The following DOCK4 variants were observed in gnomAD, a reference collection of about 807,000 sequenced individuals.
The protein encoded by DOCK4 is dedicator of cytokinesis 4.
In DOCK4, 97 loss-of-function variants were observed where a neutral mutation model predicts 268.1. The observed-to-expected ratio is 0.36, with a 90% CI of 0.31 to 0.43. DOCK4 has a LOEUF of 0.43. Among genes scored for constraint, DOCK4 ranks in the 20% least tolerant of loss-of-function variants. The pLI is 1.00. For missense variants in DOCK4, 2,145 were observed against 2,455.7 expected, an observed-to-expected ratio of 0.87 and a Z score of 2.67; for synonymous variants, 954 against 887.2, an observed-to-expected ratio of 1.08 and a Z score of -1.34.
intron 1 of DOCK4, among the ~76,000 whole-genome samples, chr7:112,189,187 T>C (rs1819708753): frequency 6.6e-6 from 1 of 152,202 alleles, no homozygotes. Context: ...GGAGTGAAAA[T>C]GCTGTTTCTC....
intron 13 of DOCK4, among the ~76,000 whole-genome samples, chr7:111,905,583 T>C (rs1189591567): frequency 6.6e-6 from 1 of 152,194 alleles, no homozygotes; most frequent in Non-Finnish European, 1.5e-5. Flanking sequence ...TTCTGTCTTA[T>C]GAATGTCTTG....
rs149576475 is a variant in DOCK4 at position 111,761,417 on chromosome 7, A to T, written c.4021-1095T>A. On this transcript the variant is annotated intron_variant, in intron 39 of 52. Transcript: ENST00000428084. ...TGTACTAGATTGAAATTCTGGTCTG[A>T]GTCCAAACCCTGGGCTCTTTCTACT... 1.1e-3 allele frequency among the ~76,000 whole-genome samples: 173 copies of T among 152,226 alleles called. 1 individual carries two copies. The highest frequency in any genetic ancestry group is 3.9e-3 in the African/African-American group (163 of 41,536).
chr7:111,763,684 A>G (rs1797591964), intron 39 of DOCK4, among the ~76,000 whole-genome samples: 1 of 151,944 alleles, frequency 6.6e-6, no homozygotes, highest in Non-Finnish European at 1.5e-5. Flanking sequence ...TCGTGTCTAG[A>G]CCCTGCTGCG....
chr7:111,868,849 A>G (rs1806194567), intron 21 of DOCK4, among the ~76,000 whole-genome samples: 1 of 152,230 alleles, frequency 6.6e-6, no homozygotes, highest in Non-Finnish European at 1.5e-5. Flanking sequence ...TTTGACAGGT[A>G]GTACTCTTGC....
intron 1 of DOCK4, among the ~76,000 whole-genome samples, chr7:112,093,686 G>A (rs1354978005): frequency 1.3e-5 from 2 of 152,044 alleles, no homozygotes; most frequent in East Asian, 1.9e-4. Flanking sequence ...ATATCACCTC[G>A]AAAACTACTG....
At chr7:111,887,186 C>A (rs1252857588) in intron 16 of DOCK4, among the ~76,000 whole-genome samples, 1 of 152,146 alleles carries the variant, frequency 6.6e-6, no homozygotes, top group Non-Finnish European at 1.5e-5. Flanking sequence ...ACAAGAGAAG[C>A]CTGTGACAAG....
chr7:111,782,948 G>T, intron 34 of DOCK4, 24 bp from the exon 35 acceptor site: 1 of 1,573,200 alleles, frequency 6.4e-7, no homozygotes, highest in Non-Finnish European at 8.6e-7. Flanking sequence ...GCAATAGTCA[G>T]AACTCAGAAC....
Position 111,788,654 on chromosome 7 carries a change from T to C in DOCK4, c.3401+8A>G, listed in dbSNP as rs867798067. On this transcript the variant is annotated splice_region_variant and intron_variant, in intron 32 of 52. Coordinates refer to ENST00000428084, the MANE Select transcript of DOCK4 (RefSeq NM_001363540.2). ...ATGGAATCAACTTGAGATAAACATA[T>C]TACTCACATACTGTTGAAGAGCTCG... The C allele has an allele frequency of 3.8e-6, 6 of 1,570,458 alleles. No homozygotes were observed. In the African/African-American group the frequency reaches 4.0e-5, roughly 11 times the overall value.
intron 1 of DOCK4, among the ~76,000 whole-genome samples, chr7:112,183,223 GC>G (rs1239026297): frequency 2.6e-5 from 4 of 152,182 alleles, no homozygotes; most frequent in Non-Finnish European, 5.9e-5. Context: ...GAGAGAAAGG[GC>G]AGAGAAAGGC....
chr7:111,801,557 A>G (rs1244152774), intron 30 of DOCK4: 2 of 152,254 alleles, frequency 1.3e-5, no homozygotes, highest in African/African-American at 4.8e-5. Context: ...AACATGGCTC[A>G]TAAATCCTTT....
chr7:111,989,287 T>C lies in DOCK4; in HGVS notation c.316-124A>G, dbSNP rs1423723486. On this transcript the variant is annotated intron_variant, in intron 5 of 52. Coordinates refer to ENST00000428084, the MANE Select transcript of DOCK4 (RefSeq NM_001363540.2). The stretch of plus-strand genomic sequence containing the variant: ...CTATGTGCTTGCCACTCTGGACAGA[T>C]GTCCGTGAACAGACAAACTGTTCGC... 7 of 1,294,022 alleles carry C rather than the reference T, an allele frequency of 5.4e-6. No individual in the cohort carries two copies. The African/African-American group carries it at 5.9e-5, about 11-fold the overall frequency. 80.2% of individuals were successfully genotyped at this position (1,294,022 alleles called of 1,614,324 possible). A position where few individuals can be genotyped will look rare whatever the true frequency, so the allele number is the denominator to read the frequency against.
At chr7:112,193,169 A>G (rs901932969) in intron 1 of DOCK4, among the ~76,000 whole-genome samples, 1 of 151,996 alleles carries the variant, frequency 6.6e-6, no homozygotes, top group Non-Finnish European at 1.5e-5. Flanking sequence ...GCATCTGAAG[A>G]CTCTACCTCT....
intron 1 of DOCK4, among the ~76,000 whole-genome samples, chr7:112,009,927 C>A (rs558438632): frequency 7.1e-4 from 108 of 152,322 alleles, no homozygotes; most frequent in African/African-American, 2.4e-3. Context: ...AGCCATCCTC[C>A]CACCTCAGCC....
In DOCK4 at chr7:111,728,697, G is replaced by T; in HGVS notation, c.5505C>A (p.Pro1835=). 1 of 1,613,066 alleles carries T rather than the reference G, an allele frequency of 6.2e-7. No homozygotes were observed. Among genetic ancestry groups the T allele is most frequent in the Non-Finnish European group, 8.5e-7 (1 of 1,179,516 alleles). The change falls in exon 53 of 53, where the codon CCC becomes CCA. Residue 1835 remains proline, a synonymous_variant. Coordinates refer to ENST00000428084, the MANE Select transcript of DOCK4 (RefSeq NM_001363540.2). ...CTGGCGAGTGGTACTCCACTGGAGA[G>T]GGGGTGAAAGACTGCACAGAGCCCT... ...PLKGSVQSFT[P]SPVEYHSPGL...
chr7:111,835,569 G>A (rs912498908), intron 25 of DOCK4, among the ~76,000 whole-genome samples: 10 of 152,130 alleles, frequency 6.6e-5, no homozygotes, highest in African/African-American at 2.2e-4. Context: ...AACCTTTTGT[G>A]CTCAGCAAAG....
intron 8 of DOCK4, among the ~76,000 whole-genome samples, chr7:111,969,185 A>G (rs1262949398): frequency 7.1e-6 from 1 of 141,314 alleles, no homozygotes; most frequent in Admixed American, 7.0e-5. Context: ...CAATGTGCAC[A>G]TGTACCCTAA....
At chr7:112,089,440 ATATCT>A (rs1809420354) in intron 1 of DOCK4, among the ~76,000 whole-genome samples, 1 of 152,180 alleles carries the variant, frequency 6.6e-6, no homozygotes, top group South Asian at 2.1e-4. Context: ...ATTTTTATAA[ATATCT>A]TAGTTACAGT....
chr7:112,100,676 C>T (rs1388373915), intron 1 of DOCK4, among the ~76,000 whole-genome samples: 1 of 152,238 alleles, frequency 6.6e-6, no homozygotes, highest in Non-Finnish European at 1.5e-5. Context: ...ACACTTCTAT[C>T]TCCCTGATTA....
intron 1 of DOCK4, among the ~76,000 whole-genome samples, chr7:112,189,549 C>A (rs991224142): frequency 6.6e-6 from 1 of 152,044 alleles, no homozygotes; most frequent in East Asian, 1.9e-4. Context: ...AAAATTTATA[C>A]CTACACACAC....
Sources: gnomAD v4.1 joint callset for allele counts (sites outside exome capture counted in the v4.1 genomes callset) on GRCh38, gnomAD v4.1.1 for gene constraint, MANE v1.5 for transcripts, NCBI Gene and HGNC (gene_info 2026-07-23, HGNC 2026-07-21) for gene names.